The following CEP295 variants were observed in gnomAD, a reference collection of about 807,000 sequenced individuals.
CEP295 encodes the protein centrosomal protein of 295 kDa.
CEP295 carries 190 observed loss-of-function variants against 291.6 expected under a neutral mutation model. The observed-to-expected ratio is 0.65, with a 90% confidence interval of 0.58 to 0.73. The LOEUF is 0.73. CEP295 is among the 30% of genes least tolerant of loss of function. The pLI, the probability that CEP295 is intolerant of heterozygous loss-of-function variation, is 0.00. For missense variants in CEP295, 2,863 were observed against 2,949.4 expected (o/e 0.97, Z 0.68); for synonymous variants, 993 against 1,038.8 (o/e 0.96, Z 0.85).
At chr11:93,714,323 T>C (rs1347147892) in intron 18 of CEP295, among the ~76,000 whole-genome samples, 2 of 152,220 alleles carry the variant, frequency 1.3e-5, no homozygotes, top group African/African-American at 4.8e-5. Flanking sequence ...TGATCTCAGC[T>C]CACTGCAACT....
chr11:93,669,225 C>T lies in CEP295; in HGVS notation c.434+293C>T, dbSNP rs551263106. 4.0e-5 allele frequency among the ~76,000 whole-genome samples: 6 copies of T among 151,814 alleles called. No individual in the cohort carries two copies. In the East Asian group the frequency reaches 7.8e-4, roughly 20 times the overall value. On this transcript the variant is annotated intron_variant, in intron 4 of 29. Transcript: ENST00000325212. ...ATGCATGTCAACCAATGTCTGTTTC[C>T]GATGTAAACATGAAATAAAAATTGA...
In CEP295 at chr11:93,727,430, AACTG is replaced by A. The variant is rs1954235003; in HGVS notation, c.6958_6961del (p.Asp2320LeufsTer5). On this transcript the variant is annotated frameshift_variant, in exon 24 of 30. Transcript: ENST00000325212. LOFTEE classifies it high-confidence loss of function. The stretch of plus-strand genomic sequence containing the variant: ...TAGACATAAATCCACAGGTAGAGGA[AACTG>A]ACTCTCGATTATGTGTAAGAACAGT... 6.4e-7 allele frequency: 1 copy of A among 1,551,784 alleles called. No homozygotes were observed. The highest frequency in any genetic ancestry group is 2.0e-5 in the Admixed American group (1 of 50,992).
intron 25 of CEP295, 62 bp downstream of exon 25, chr11:93,728,883 A>T: frequency 1.4e-6 from 2 of 1,408,982 alleles, no homozygotes; most frequent in South Asian, 2.8e-5. Flanking sequence ...TTTGTCTCTT[A>T]CAACTTATCA....
At position 93,697,438 on chromosome 11, in the gene CEP295, C is replaced by T. The variant is rs1304447884; in HGVS notation, c.2526C>T (p.Ala842=). 1 of 1,552,142 alleles carries T rather than the reference C, an allele frequency of 6.4e-7. No individual in the cohort carries two copies. Among genetic ancestry groups the T allele is most frequent in the South Asian group, 1.2e-5 (1 of 84,058 alleles). The change falls in exon 15 of 30, where the codon GCC becomes GCT. Residue 842 remains alanine, a synonymous_variant. Coordinates refer to ENST00000325212, the MANE Select transcript of CEP295 (RefSeq NM_033395.2). The stretch of plus-strand genomic sequence containing the variant: ...TGCTGCCGTCAGAGAATATCACAGC[C>T]CAGCAAGGTAATATGAAGGCCCTCC... ...RPLLPSENIT[A]QQGNMKALQE...
At chr11:93,677,279 TG>T (rs1218504124) in intron 6 of CEP295, among the ~76,000 whole-genome samples, 3 of 152,138 alleles carry the variant, frequency 2.0e-5, no homozygotes, top group African/African-American at 7.2e-5. Context: ...TTTGCACGCT[TG>T]GCATATATGT....
rs1421254701 is a variant in CEP295 at position 93,698,214 on chromosome 11, C to G, written c.3302C>G (p.Ser1101Cys). 1 of 1,551,690 alleles carries G rather than the reference C, an allele frequency of 6.4e-7. No individual in the cohort carries two copies. The highest frequency in any genetic ancestry group is 8.7e-7 in the Non-Finnish European group (1 of 1,146,976). Residue 1101 changes from serine to cysteine, a missense_variant, in exon 15 of 30, where the codon TCC becomes TGC. This residue lies in a region of CEP295 where 2,295 missense variants were observed against 2,335.7 expected (regional missense o/e 0.98). Transcript: ENST00000325212. ...AAGTCTGGGCTGGTGAGCTCTTCAT[C>G]CTCACCAGTGGTTGTTCAGCATTCA... Reference protein sequence around the residue: ...DSKSGLVSSSSSPVVVQHSVA... With the variant: ...DSKSGLVSSSCSPVVVQHSVA...
At chr11:93,724,587 CA>C (rs1954000406) in intron 22 of CEP295, among the ~76,000 whole-genome samples, 1 of 151,356 alleles carries the variant, frequency 6.6e-6, no homozygotes, top group African/African-American at 2.4e-5. Flanking sequence ...GCCAACATGG[CA>C]AAACCCTGTC....
At chr11:93,667,577 C>T (rs1290848564) in intron 2 of CEP295, 30 bp from the exon 3 acceptor site, 1 of 1,484,552 alleles carries the variant, frequency 6.7e-7, no homozygotes. Context: ...AACCTCCTTT[C>T]ATATAACCTG....
chr11:93,712,269 C>T lies in CEP295; in HGVS notation c.5749+5372C>T, dbSNP rs550526126. Among the ~76,000 whole-genome samples the T allele has an allele frequency of 7.3e-5, 11 of 149,804 alleles. No individual in the cohort carries two copies. In the East Asian group the frequency reaches 2.1e-3, roughly 29 times the overall value. On this transcript the variant is annotated intron_variant, in intron 18 of 29. Coordinates refer to ENST00000325212, the MANE Select transcript of CEP295 (RefSeq NM_033395.2). The stretch of plus-strand genomic sequence containing the variant: ...TATTTATTTATTTATTTTTTTAAGA[C>T]AGAGTCTCACTCTGTCACCCAGGCT...
intron 13 of CEP295, 105 bp from the exon 14 acceptor site, chr11:93,696,215 A>C: frequency 1.6e-6 from 1 of 629,320 alleles, no homozygotes; most frequent in South Asian, 2.2e-5. Context: ...CATTTTATAA[A>C]AAATAAAGCT....
chr11:93,711,057 G>A (rs1038547834), intron 18 of CEP295, among the ~76,000 whole-genome samples: 3 of 151,652 alleles, frequency 2.0e-5, no homozygotes, highest in Non-Finnish European at 4.4e-5. Context: ...ACCAATTTTT[G>A]TTTTCTTGAT....
At chr11:93,679,126 C>G (rs537844749) in intron 6 of CEP295, among the ~76,000 whole-genome samples, 1 of 152,082 alleles carries the variant, frequency 6.6e-6, no homozygotes, top group Non-Finnish European at 1.5e-5. Context: ...TACAGGCATG[C>G]GCCACCACGC....
intron 7 of CEP295, among the ~76,000 whole-genome samples, chr11:93,682,795 T>C (rs1478651972): frequency 6.6e-6 from 1 of 152,206 alleles, no homozygotes; most frequent in South Asian, 2.1e-4. Context: ...CTAGCTATAA[T>C]GAACAGTGTG....
Position 93,699,340 on chromosome 11 carries a change from C to G in CEP295, c.4428C>G (p.Thr1476=), listed in dbSNP as rs1239102420. Residue 1476 remains threonine (T), a synonymous_variant, in exon 15 of 30, where the codon ACC becomes ACG. Coordinates refer to ENST00000325212, the MANE Select transcript of CEP295 (RefSeq NM_033395.2). The part of the protein sequence containing the change: ...QTDFLPSIEK[T]QKELVLSKPC... Reference sequence around the variant, plus strand: ...ATTTCCTTCCTTCTATTGAGAAAACCCAGAAAGAATTGGTTTTGTCAAAAC... The same window carrying G: ...ATTTCCTTCCTTCTATTGAGAAAACGCAGAAAGAATTGGTTTTGTCAAAAC... 6.4e-7 allele frequency: 1 copy of G among 1,551,954 alleles called. No individual in the cohort carries two copies. The highest frequency in any genetic ancestry group is 8.7e-7 in the Non-Finnish European group (1 of 1,147,028).
chr11:93,700,004 TCA>T lies in CEP295; in HGVS notation c.5095_5096del (p.Gln1699ValfsTer8), dbSNP rs1952054188. 3 of 1,551,780 alleles carry T rather than the reference TCA, an allele frequency of 1.9e-6. No individual in the cohort carries two copies. The highest frequency in any genetic ancestry group is 1.7e-6 in the Non-Finnish European group (2 of 1,146,998). On this transcript the variant is annotated frameshift_variant, in exon 15 of 30. Coordinates refer to ENST00000325212, the MANE Select transcript of CEP295 (RefSeq NM_033395.2). LOFTEE classifies it high-confidence loss of function. ...GTTTCAAGATAGACTTTTGAGTTTT[TCA>T]CAGTCTGTCTTAACTCAGCAAGATA... ...PGFQDRLLSF[S>X]QSVLTQQDNL...
chr11:93,693,978 C>G (rs999848431), intron 12 of CEP295, among the ~76,000 whole-genome samples: 1 of 152,152 alleles, frequency 6.6e-6, no homozygotes, highest in African/African-American at 2.4e-5. Context: ...AGTAACCACT[C>G]TATGGACAGT....
rs769342554 is a variant in CEP295, at chr11:93,696,415, C to G, written c.1767C>G (p.Asn589Lys). 2.0e-6 allele frequency: 3 copies of G among 1,508,008 alleles called. No homozygotes were observed. The highest frequency in any genetic ancestry group is 2.7e-6 in the Non-Finnish European group (3 of 1,107,932). The allele number at this position is 1,508,008 out of a possible 1,614,324, so 93.4% of individuals were successfully genotyped here. A position where few individuals can be genotyped will look rare whatever the true frequency, so the allele number is the denominator to read the frequency against. ...ATCAACATCAGCTTTTACAACAAAACAGGTATTAGCTAGGGTATAATTTAT... is the reference window on the plus strand; with the variant it reads ...ATCAACATCAGCTTTTACAACAAAAGAGGTATTAGCTAGGGTATAATTTAT... ...RNYQHQLLQQ[N>K]RLHRQSVETA... is the part of the protein sequence containing the mutation. The change falls in exon 14 of 30, where the codon AAC (asparagine) becomes AAG (lysine). Residue 589 changes from asparagine (N) to lysine (K), a missense_variant and splice_region_variant. Coordinates refer to ENST00000325212, the MANE Select transcript of CEP295 (RefSeq NM_033395.2).
At chr11:93,727,850 T>C (rs1421807281) in intron 24 of CEP295, 20 of 463,798 alleles carry the variant, frequency 4.3e-5, no homozygotes, top group Non-Finnish European at 6.4e-5. Context: ...CAAGCAAAAC[T>C]GCTTGTTAAT....
At chr11:93,701,378 T>C (rs1952147457) in intron 15 of CEP295, among the ~76,000 whole-genome samples, 1 of 151,928 alleles carries the variant, frequency 6.6e-6, no homozygotes, top group African/African-American at 2.4e-5. Flanking sequence ...AATAAATAAA[T>C]GAAAGGCCAC....
Sources: allele counts gnomAD v4.1 joint callset (sites outside exome capture counted in the v4.1 genomes callset), GRCh38; gene constraint gnomAD v4.1.1; regional missense constraint gnomAD v4.1.1; transcripts MANE v1.5; gene names NCBI Gene and HGNC (gene_info 2026-07-23, HGNC 2026-07-21).